UNC5B: variants seen among roughly 807,000 people sequenced by gnomAD.
UNC5B encodes unc-5 netrin receptor B.
Under a neutral mutation model 103.7 loss-of-function variants are expected in UNC5B, and 56 were observed. The observed-to-expected ratio is 0.54, with a 90% CI of 0.44 to 0.67. The LOEUF (loss-of-function observed/expected upper bound fraction) is 0.67, where lower values mean the gene tolerates loss of function less well. Among genes scored for constraint, UNC5B ranks in the 30% least tolerant of loss-of-function variants. The pLI is 0.00. For synonymous variants in UNC5B, 577 were observed against 542.0 expected (o/e 1.06, Z -0.90); for missense variants, 1,194 against 1,284.5 (o/e 0.93, Z 1.08).
At chr10:71,239,055 G>A (rs1386948333) in intron 1 of UNC5B, among the ~76,000 whole-genome samples, 1 of 152,130 alleles carries the variant, frequency 6.6e-6, no homozygotes. Flanking sequence ...TCCTGGGATG[G>A]TGGAAGAGAG....
Position 71,212,995 on chromosome 10 carries a change from C to G in UNC5B, c.10C>G (p.Arg4Gly). The G allele has an allele frequency of 7.1e-7, 1 of 1,398,928 alleles. No homozygotes were observed. The highest frequency in any genetic ancestry group is 9.3e-7 in the Non-Finnish European group (1 of 1,071,358). 86.7% of individuals were successfully genotyped at this position (1,398,928 alleles called of 1,614,324 possible). The change falls in exon 1 of 17, where the codon CGG becomes GGG. Residue 4 changes from arginine to glycine, a missense_variant. Coordinates refer to ENST00000335350, the MANE Select transcript of UNC5B (RefSeq NM_170744.5). MGA[R>G]SGARGALLLA... ...ACCAGGCCGCGGGAGCATGGGGGCC[C>G]GGAGCGGAGCTCGGGGCGCGCTGCT...
At chr10:71,273,178 C>T (rs1489312094) in intron 1 of UNC5B, among the ~76,000 whole-genome samples, 3 of 152,278 alleles carry the variant, frequency 2.0e-5, no homozygotes, top group African/African-American at 2.4e-5. Flanking sequence ...CGTGAGCCGC[C>T]GCGCCCGGCC....
At chr10:71,287,565 C>A in intron 5 of UNC5B, 33 bp from the exon 6 acceptor site, 1 of 1,564,616 alleles carries the variant, frequency 6.4e-7, no homozygotes. Flanking sequence ...GTTCCAGAGC[C>A]AAGCCATCCA....
intron 13 of UNC5B, among the ~76,000 whole-genome samples, chr10:71,294,535 T>C (rs1238840762): frequency 6.6e-6 from 1 of 151,968 alleles, no homozygotes; most frequent in African/African-American, 2.4e-5. Flanking sequence ...AGAGGCCTGT[T>C]GGGAAGCTGG....
chr10:71,294,466 T>G (rs556558682), intron 13 of UNC5B, among the ~76,000 whole-genome samples: 43 of 152,162 alleles, frequency 2.8e-4, no homozygotes, highest in African/African-American at 9.9e-4. Flanking sequence ...AGACACCTGT[T>G]CACAGGTGCT....
chr10:71,238,766 T>A (rs1049565776), intron 1 of UNC5B, among the ~76,000 whole-genome samples: 1 of 152,158 alleles, frequency 6.6e-6, no homozygotes, highest in Admixed American at 6.5e-5. Flanking sequence ...CTTATACATA[T>A]CCTCAGAAGC....
At chr10:71,222,132 C>T (rs1203094521) in intron 1 of UNC5B, among the ~76,000 whole-genome samples, 1 of 152,186 alleles carries the variant, frequency 6.6e-6, no homozygotes, top group Non-Finnish European at 1.5e-5. Context: ...AAGGTTTGCA[C>T]TTGACTGGCC....
At chr10:71,237,351 T>G (rs1170969036) in intron 1 of UNC5B, among the ~76,000 whole-genome samples, 1 of 152,180 alleles carries the variant, frequency 6.6e-6, no homozygotes, top group Non-Finnish European at 1.5e-5. Context: ...GTGGAATTAA[T>G]AGCAATCTAC....
chr10:71,267,579 T>G (rs1391554907), intron 1 of UNC5B, among the ~76,000 whole-genome samples: 2 of 152,162 alleles, frequency 1.3e-5, no homozygotes, highest in African/African-American at 4.8e-5. Flanking sequence ...AAATTTGCTG[T>G]GAGCTTCCCA....
chr10:71,227,750 A>C (rs1843604704), intron 1 of UNC5B, among the ~76,000 whole-genome samples: 1 of 147,718 alleles, frequency 6.8e-6, no homozygotes, highest in Non-Finnish European at 1.5e-5. Flanking sequence ...ACACACATAC[A>C]TACCCTAGTC....
intron 1 of UNC5B, among the ~76,000 whole-genome samples, chr10:71,248,075 C>T (rs549895426): frequency 3.1e-4 from 47 of 152,308 alleles, no homozygotes; most frequent in Non-Finnish European, 5.7e-4. Context: ...ACTTCTAGCA[C>T]TGCCTTTCCA....
intron 1 of UNC5B, among the ~76,000 whole-genome samples, chr10:71,250,093 G>T (rs971185532): frequency 1.3e-5 from 2 of 152,244 alleles, no homozygotes; most frequent in African/African-American, 2.4e-5. Context: ...GCAGGGCAGA[G>T]GTGCTGGGAG....
chr10:71,258,118 G>A, intron 1 of UNC5B, among the ~76,000 whole-genome samples: 1 of 152,236 alleles, frequency 6.6e-6, no homozygotes, highest in East Asian at 1.9e-4. Flanking sequence ...CATTTTACAG[G>A]CGGAGAAACC....
intron 1 of UNC5B, among the ~76,000 whole-genome samples, chr10:71,220,789 TC>T (rs1173770893): frequency 6.6e-6 from 1 of 152,136 alleles, no homozygotes; most frequent in Non-Finnish European, 1.5e-5. Flanking sequence ...ATCATCATCT[TC>T]CTCCACGGGA....
chr10:71,224,113 C>G (rs1391289219), intron 1 of UNC5B, among the ~76,000 whole-genome samples: 2 of 152,194 alleles, frequency 1.3e-5, no homozygotes, highest in African/African-American at 4.8e-5. Flanking sequence ...AGAGGCTGAT[C>G]TGGAATTCCT....
chr10:71,227,755 C>G (rs1249216612), intron 1 of UNC5B, among the ~76,000 whole-genome samples: 1 of 148,638 alleles, frequency 6.7e-6, no homozygotes, highest in African/African-American at 2.5e-5. Context: ...CATACATACC[C>G]TAGTCCTAAA....
chr10:71,285,577 G>A, intron 4 of UNC5B, 148 bp downstream of exon 4: 1 of 748,824 alleles, frequency 1.3e-6, no homozygotes, highest in Non-Finnish European at 2.1e-6. Context: ...GCACAGAGAA[G>A]AGAACTGTTA....
intron 1 of UNC5B, among the ~76,000 whole-genome samples, chr10:71,263,399 A>T (rs1258505786): frequency 6.6e-6 from 1 of 152,118 alleles, no homozygotes; most frequent in Admixed American, 6.5e-5. Context: ...ACTTTTCGGG[A>T]TGCCCCTGAT....
chr10:71,250,952 G>A (rs1844158457), intron 1 of UNC5B, among the ~76,000 whole-genome samples: 1 of 152,164 alleles, frequency 6.6e-6, no homozygotes, highest in Non-Finnish European at 1.5e-5. Flanking sequence ...TGGCAAGTAG[G>A]TCTCCTCTTG....
Sources: gnomAD v4.1 joint callset for allele counts (sites outside exome capture counted in the v4.1 genomes callset) on GRCh38, gnomAD v4.1.1 for gene constraint, MANE v1.5 for transcripts, NCBI Gene and HGNC (gene_info 2026-07-23, HGNC 2026-07-21) for gene names.